The following IGSF3 variants were observed in gnomAD, a reference collection of about 807,000 sequenced individuals.
The protein encoded by IGSF3 is glu-Trp-Ile EWI motif-containing protein 3.
In IGSF3, 23 loss-of-function variants were observed where a neutral mutation model predicts 114.4. The observed-to-expected ratio is 0.20, with a 90% CI of 0.14 to 0.28. IGSF3 has a LOEUF of 0.28. IGSF3 is among the 10% of genes least tolerant of loss of function. IGSF3 has a pLI of 1.00. For missense variants in IGSF3, 1,172 were observed against 1,591.5 expected, an observed-to-expected ratio of 0.74 and a Z score of 4.48; for synonymous variants, 571 against 645.2, an observed-to-expected ratio of 0.88 and a Z score of 1.74.
chr1:116,663,184 GT>G (rs1649184033), intron 2 of IGSF3, among the ~76,000 whole-genome samples: 1 of 152,144 alleles, frequency 6.6e-6, no homozygotes, highest in Non-Finnish European at 1.5e-5. Flanking sequence ...AAATCAAAAT[GT>G]GCTGTATGTG....
intron 2 of IGSF3, among the ~76,000 whole-genome samples, chr1:116,643,966 A>T (rs1351635298): frequency 3.3e-5 from 5 of 152,150 alleles, no homozygotes; most frequent in South Asian, 2.1e-4. Flanking sequence ...CCCTCCCCAA[A>T]CACGTGCACC....
At chr1:116,578,138 G>C (rs1330670362) in intron 10 of IGSF3, among the ~76,000 whole-genome samples, 1 of 152,236 alleles carries the variant, frequency 6.6e-6, no homozygotes, top group African/African-American at 2.4e-5. Context: ...GGATATGGAA[G>C]AGAATAAACC....
In IGSF3 at chr1:116,618,481, T is replaced by C. The variant is rs1219527103; in HGVS notation, c.44-2024A>G. Among the ~76,000 whole-genome samples the C allele has an allele frequency of 6.6e-6, 1 of 152,232 alleles. No homozygotes were observed. The highest frequency in any genetic ancestry group is 2.4e-5 in the African/African-American group (1 of 41,454). ...TTATAATGGAGCATATATAGAGATC[T>C]AATATATGGCACTTAATGTTGGCAT... is the stretch of plus-strand genomic sequence containing the variant. On this transcript the variant is annotated intron_variant, in intron 2 of 10. Transcript: ENST00000369486. The surrounding 1 kb of genome is among the most constrained non-coding windows in gnomAD (Gnocchi z 4.7).
Position 116,661,651 on chromosome 1 carries a change from G to A in IGSF3, c.43+4633C>T, listed in dbSNP as rs1649123282. ...AAGAACACAGGATTTGGAACCAAAT[G>A]GTCCTGGCTTCAAAACCCTACTCTG... On this transcript the variant is annotated intron_variant, in intron 2 of 10. Transcript: ENST00000369486. The surrounding 1 kb of genome is among the most constrained non-coding windows in gnomAD (Gnocchi z 4.0). Among the ~76,000 whole-genome samples the A allele has an allele frequency of 6.6e-6, 1 of 152,144 alleles. No homozygotes were observed. The highest frequency in any genetic ancestry group is 1.5e-5 in the Non-Finnish European group (1 of 68,028).
intron 1 of IGSF3, among the ~76,000 whole-genome samples, chr1:116,667,394 G>A (rs1209733399): frequency 6.6e-6 from 1 of 152,136 alleles, no homozygotes; most frequent in Non-Finnish European, 1.5e-5. Context: ...TGATTGGAAA[G>A]AAAAGAAACC....
chr1:116,584,551 T>G lies in IGSF3; in HGVS notation c.2848+94A>C. 1 of 1,235,048 alleles carries G rather than the reference T, an allele frequency of 8.1e-7. No individual in the cohort carries two copies. 76.5% of individuals were successfully genotyped at this position (1,235,048 alleles called of 1,614,324 possible). A position where few individuals can be genotyped will look rare whatever the true frequency, so the allele number is the denominator to read the frequency against. On this transcript the variant is annotated intron_variant, in intron 9 of 10. Transcript: ENST00000369486. The surrounding 1 kb of genome is among the most constrained non-coding windows in gnomAD (Gnocchi z 5.8). Reference sequence around the variant, plus strand: ...CACTCATATATTTAACTGCAAATAATTTATTAATAAACTAATTTTATCCAG... The same window carrying G: ...CACTCATATATTTAACTGCAAATAAGTTATTAATAAACTAATTTTATCCAG...
Position 116,614,780 on chromosome 1 carries a change from G to A in IGSF3, c.422-605C>T, listed in dbSNP as rs969057905. 2.0e-5 allele frequency among the ~76,000 whole-genome samples: 3 copies of A among 152,142 alleles called. No homozygotes were observed. Among genetic ancestry groups the A allele is most frequent in the African/African-American group, 4.8e-5 (2 of 41,410 alleles). On this transcript the variant is annotated intron_variant, in intron 3 of 10. Transcript: ENST00000369486. This position sits in a 1 kb window ranked among gnomAD's most constrained non-coding sequence, Gnocchi z 4.5. Reference sequence around the variant, plus strand: ...TCATCGATCAAAGGGGTCCTCACTGGAAGGAAGCCACAGTCTGGAGAGATT... The same window carrying A: ...TCATCGATCAAAGGGGTCCTCACTGAAAGGAAGCCACAGTCTGGAGAGATT...
intron 7 of IGSF3, among the ~76,000 whole-genome samples, chr1:116,590,150 C>T (rs918783952): frequency 1.3e-5 from 2 of 151,986 alleles, no homozygotes; most frequent in Non-Finnish European, 2.9e-5. Context: ...CAACTACAAT[C>T]CTCCCTTCTC....
At chr1:116,658,191 G>A (rs951216033) in intron 2 of IGSF3, among the ~76,000 whole-genome samples, 2 of 151,958 alleles carry the variant, frequency 1.3e-5, no homozygotes, top group African/African-American at 4.8e-5. Context: ...ACAGGCACCC[G>A]CTACCACATC....
At position 116,585,403 on chromosome 1, in the gene IGSF3, G is replaced by A. The variant is rs1659796354; in HGVS notation, c.2441-351C>T. Among the ~76,000 whole-genome samples, 1 of 152,198 alleles carries A rather than the reference G, an allele frequency of 6.6e-6. No homozygotes were observed. The highest frequency in any genetic ancestry group is 1.5e-5 in the Non-Finnish European group (1 of 68,034). ...GCTGGCCGGGGCAGGTGGCTGGGAA[G>A]GGCGGGGGAAGGGGATGGTGAGAAA... is the stretch of plus-strand genomic sequence containing the variant. On this transcript the variant is annotated intron_variant, in intron 8 of 10. Transcript: ENST00000369486. This position sits in a 1 kb window ranked among gnomAD's most constrained non-coding sequence, Gnocchi z 4.9.
intron 9 of IGSF3, among the ~76,000 whole-genome samples, chr1:116,581,331 T>C (rs1659594360): frequency 6.7e-6 from 1 of 149,686 alleles, no homozygotes; most frequent in East Asian, 1.9e-4. Context: ...TTTTTTTTTT[T>C]TTTTTTTTTT....
chr1:116,580,813 A>ATGATGGAGGCCCAAACAGGAG (rs1553209376), intron 9 of IGSF3, among the ~76,000 whole-genome samples: 2 of 152,234 alleles, frequency 1.3e-5, no homozygotes, highest in Non-Finnish European at 2.9e-5. Context: ...TGGCCATATG[A>ATGATGGAGGCCCAAACAGGAG]TGATGGAGGC....
At chr1:116,660,632 C>G (rs756104956) in intron 2 of IGSF3, among the ~76,000 whole-genome samples, 1 of 151,968 alleles carries the variant, frequency 6.6e-6, no homozygotes, top group Non-Finnish European at 1.5e-5. Flanking sequence ...CACACACCAT[C>G]ACGCCCAGCT....
intron 2 of IGSF3, among the ~76,000 whole-genome samples, chr1:116,645,604 C>T (rs1306223752): frequency 6.6e-6 from 1 of 152,204 alleles, no homozygotes; most frequent in Admixed American, 6.5e-5. Context: ...GGAGAAATCA[C>T]ATAAGCTTAC....
chr1:116,660,735 C>T (rs1413438246), intron 2 of IGSF3, among the ~76,000 whole-genome samples: 1 of 152,102 alleles, frequency 6.6e-6, no homozygotes, highest in Non-Finnish European at 1.5e-5. Flanking sequence ...AGCCACCATA[C>T]CCGGCCACGT....
intron 6 of IGSF3, among the ~76,000 whole-genome samples, chr1:116,601,031 C>CAT (rs1660556348): frequency 6.6e-6 from 1 of 152,170 alleles, no homozygotes; most frequent in South Asian, 2.1e-4. Flanking sequence ...CTCCTTCAGC[C>CAT]TGGAAATACT....
rs1033029538 is a variant in IGSF3 at position 116,642,434 on chromosome 1, CGCTTAGGGGAAGG to C, written c.43+23837_43+23849del. ...GGCAGACCTGAGGCGGGAGTCCCCA[CGCTTAGGGGAAGG>C]GGCTCAGGCACTGGGAGTCGGTCAG... is the stretch of plus-strand genomic sequence containing the variant. On this transcript the variant is annotated intron_variant, in intron 2 of 10. Transcript: ENST00000369486. This position sits in a 1 kb window ranked among gnomAD's most constrained non-coding sequence, Gnocchi z 5.4. 3.9e-5 allele frequency among the ~76,000 whole-genome samples: 6 copies of C among 152,230 alleles called. No individual in the cohort carries two copies. Among genetic ancestry groups the C allele is most frequent in the African/African-American group, 1.4e-4 (6 of 41,546 alleles).
In IGSF3 at chr1:116,654,655, T is replaced by C. The variant is rs1261571860; in HGVS notation, c.43+11629A>G. 6.6e-6 allele frequency among the ~76,000 whole-genome samples: 1 copy of C among 152,202 alleles called. No individual in the cohort carries two copies. Among genetic ancestry groups the C allele is most frequent in the African/African-American group, 2.4e-5 (1 of 41,434 alleles). On this transcript the variant is annotated intron_variant, in intron 2 of 10. Coordinates refer to ENST00000369486, the MANE Select transcript of IGSF3 (RefSeq NM_001007237.3). This position sits in a 1 kb window ranked among gnomAD's most constrained non-coding sequence, Gnocchi z 4.4. Reference sequence around the variant, plus strand: ...CCCCCCATACGAGGCTCCTCTGGTATGGACGGTGTCTCCTCTCTGGTGGGA... The same window carrying C: ...CCCCCCATACGAGGCTCCTCTGGTACGGACGGTGTCTCCTCTCTGGTGGGA...
At position 116,593,130 on chromosome 1, in the gene IGSF3, G is replaced by A. The variant is rs1660191047; in HGVS notation, c.2030-4026C>T. On this transcript the variant is annotated intron_variant, in intron 7 of 10. Coordinates refer to ENST00000369486, the MANE Select transcript of IGSF3 (RefSeq NM_001007237.3). The surrounding 1 kb of genome is among the most constrained non-coding windows in gnomAD (Gnocchi z 4.5). ...CTTGTACTTGATCCTGACCACCTGT[G>A]GCCCTCAGGGTGCACGCCATGGATC... Among the ~76,000 whole-genome samples the A allele has an allele frequency of 6.6e-6, 1 of 152,194 alleles. No individual in the cohort carries two copies. The highest frequency in any genetic ancestry group is 6.5e-5 in the Admixed American group (1 of 15,284).
Sources: gnomAD v4.1 joint callset for allele counts (sites outside exome capture counted in the v4.1 genomes callset) on GRCh38, gnomAD v4.1.1 for gene constraint, Gnocchi (gnomAD v3.1) non-coding constraint, MANE v1.5 for transcripts, NCBI Gene and HGNC (gene_info 2026-07-23, HGNC 2026-07-21) for gene names.